The following OSBPL10 variants were observed in gnomAD, a reference collection of about 807,000 sequenced individuals.
OSBPL10 encodes oxysterol-binding protein-related protein 10.
A neutral mutation model predicts 81.7 loss-of-function variants in OSBPL10; 49 were observed. The ratio of observed to expected loss-of-function variants is 0.60; its 90% CI spans 0.48 to 0.76. The LOEUF is 0.76. Among genes scored for constraint, OSBPL10 ranks in the 30% least tolerant of loss-of-function variants. OSBPL10 has a pLI of 0.00. For synonymous variants in OSBPL10, 419 were observed against 383.6 expected, an observed-to-expected ratio of 1.09 and a Z score of -1.08; for missense variants, 923 against 987.8, an observed-to-expected ratio of 0.93 and a Z score of 0.88.
At chr3:31,749,083 G>C (rs949532189) in intron 4 of OSBPL10, among the ~76,000 whole-genome samples, 1 of 152,146 alleles carries the variant, frequency 6.6e-6, no homozygotes, top group African/African-American at 2.4e-5. Context: ...CCTGTTCTCT[G>C]GTCCGCTGTT....
At chr3:31,733,527 C>T in intron 5 of OSBPL10, 116 bp from the exon 6 acceptor site, 1 of 1,246,324 alleles carries the variant, frequency 8.0e-7, no homozygotes, top group East Asian at 2.3e-5. Flanking sequence ...TGAGGTAAAA[C>T]ACAGAGGGCT....
At chr3:31,759,316 T>C (rs979037135) in intron 4 of OSBPL10, among the ~76,000 whole-genome samples, 1 of 152,158 alleles carries the variant, frequency 6.6e-6, no homozygotes, top group Admixed American at 6.5e-5. Context: ...GGATCCTGAA[T>C]GCAGATCGAG....
upstream of OSBPL10, chr3:31,986,281 A>C (rs1559543023): frequency 6.6e-6 from 1 of 152,254 alleles, no homozygotes. Flanking sequence ...AGAAACTCAA[A>C]GAGGAGGAGT....
chr3:31,662,198 T>C, intron 11 of OSBPL10, 82 bp from the exon 12 acceptor site: 1 of 1,603,218 alleles, frequency 6.2e-7, no homozygotes, highest in East Asian at 2.2e-5. Flanking sequence ...GCAGCCACTC[T>C]GTGTGTCTGC....
rs141339242 is a variant in OSBPL10 at position 32,007,438 on chromosome 3, T to C, written n.298+39053A>G. ...GGAAGCCAGAAGTCTGAAATCAGTATCACTGGTCCAAAATCAAGGTGCCAG... is the reference window on the plus strand; with the variant it reads ...GGAAGCCAGAAGTCTGAAATCAGTACCACTGGTCCAAAATCAAGGTGCCAG... On this transcript the variant is annotated intron_variant and non_coding_transcript_variant, in intron 2 of 3. Transcript: ENST00000479173. 3.7e-3 allele frequency among the ~76,000 whole-genome samples: 559 copies of C among 152,278 alleles called. 1 individual carries two copies. The highest frequency in any genetic ancestry group is 0.013 in the African/African-American group (530 of 41,536).
At chr3:31,879,479 T>TGTCA (rs1701565052) in intron 2 of OSBPL10, 176 bp downstream of exon 2, 1 of 615,934 alleles carries the variant, frequency 1.6e-6, no homozygotes, top group Non-Finnish European at 2.8e-6. Context: ...TAATTCCTAA[T>TGTCA]GTCAGCTCCA....
Position 31,774,956 on chromosome 3 carries a change from C to T in OSBPL10, c.730-26836G>A, listed in dbSNP as rs926265250. On this transcript the variant is annotated intron_variant, in intron 4 of 11. Coordinates refer to ENST00000396556, the MANE Select transcript of OSBPL10 (RefSeq NM_017784.5). Reference sequence around the variant, plus strand: ...CTGAGGTGGGTGGATCACCTGAGGTCAGGAGTTCGAGACCAGCCTGGCCAA... The same window carrying T: ...CTGAGGTGGGTGGATCACCTGAGGTTAGGAGTTCGAGACCAGCCTGGCCAA... 3.3e-5 allele frequency among the ~76,000 whole-genome samples: 5 copies of T among 151,368 alleles called. No homozygotes were observed. The East Asian group carries it at 7.9e-4, about 24-fold the overall frequency.
intron 1 of OSBPL10, among the ~76,000 whole-genome samples, chr3:32,046,850 A>C (rs533478524): frequency 6.6e-6 from 1 of 152,336 alleles, no homozygotes; most frequent in South Asian, 2.1e-4. Context: ...GTTAAATTAA[A>C]ACAGACAACT....
intron 2 of OSBPL10, among the ~76,000 whole-genome samples, chr3:32,016,843 C>A (rs1699316983): frequency 6.6e-6 from 1 of 152,054 alleles, no homozygotes; most frequent in African/African-American, 2.4e-5. Flanking sequence ...GATCCTGGAC[C>A]AGGTACTTAA....
In OSBPL10 at chr3:31,769,459, C is replaced by CA. The variant is rs1278090768; in HGVS notation, c.730-21340dup. Among the ~76,000 whole-genome samples, 54 of 36,026 alleles carry CA rather than the reference C, an allele frequency of 1.5e-3. 8 individuals carry two copies. Among genetic ancestry groups the CA allele is most frequent in the African/African-American group, 3.4e-3 (41 of 11,944 alleles). The allele number at this position is 36,026 out of a possible 152,430, so 23.6% of individuals were successfully genotyped here. The stretch of plus-strand genomic sequence containing the variant: ...AAACTCCATCTCAAAAAAAAAAAAA[C>CA]AAAAAAAAAACAAAAAAAAACAGAA... On this transcript the variant is annotated intron_variant, in intron 4 of 11. Coordinates refer to ENST00000396556, the MANE Select transcript of OSBPL10 (RefSeq NM_017784.5).
intron 4 of OSBPL10, among the ~76,000 whole-genome samples, chr3:31,782,438 G>A (rs1698719917): frequency 6.6e-6 from 1 of 152,138 alleles, no homozygotes; most frequent in South Asian, 2.1e-4. Context: ...AAGATAAATA[G>A]ATGGAACCTA....
intron 4 of OSBPL10, among the ~76,000 whole-genome samples, chr3:31,777,205 C>A (rs1698570286): frequency 6.6e-6 from 1 of 152,206 alleles, no homozygotes; most frequent in African/African-American, 2.4e-5. Context: ...TGACATGCCC[C>A]TGGCTCATCT....
At chr3:31,671,545 A>G (rs7620341) in intron 8 of OSBPL10, among the ~76,000 whole-genome samples, 74,971 of 151,928 alleles carry the variant, frequency 0.49, 21,293 homozygotes, top group African/African-American at 0.78. Context: ...TTCTGCCTTT[A>G]TCCTGAGAGC....
At chr3:31,816,180 G>C (rs918376556) in intron 4 of OSBPL10, among the ~76,000 whole-genome samples, 1 of 152,198 alleles carries the variant, frequency 6.6e-6, no homozygotes, top group Admixed American at 6.5e-5. Flanking sequence ...AGCCCAGAGC[G>C]GGTAGGTCTA....
intron 4 of OSBPL10, among the ~76,000 whole-genome samples, chr3:31,751,786 C>T (rs1044135687): frequency 1.3e-5 from 2 of 152,176 alleles, no homozygotes; most frequent in East Asian, 3.8e-4. Flanking sequence ...AGATGTGAAA[C>T]AGAACTCTAG....
chr3:31,813,892 G>A (rs1043628814), intron 4 of OSBPL10, among the ~76,000 whole-genome samples: 3 of 152,194 alleles, frequency 2.0e-5, no homozygotes, highest in African/African-American at 4.8e-5. Flanking sequence ...TCTTAGGCAC[G>A]CATGTACATG....
At position 31,922,511 on chromosome 3, in the gene OSBPL10, G is replaced by A. The variant is rs539169437; in HGVS notation, c.282-42681C>T. ...AGCGTGCTTGTAATCCCAGTTACTC[G>A]AGAGACTGAGGCAAGAGAATCGCTT... On this transcript the variant is annotated intron_variant, in intron 1 of 11. Transcript: ENST00000396556. 9.9e-5 allele frequency among the ~76,000 whole-genome samples: 15 copies of A among 152,188 alleles called. No homozygotes were observed. The South Asian group carries it at 2.7e-3, about 27-fold the overall frequency.
rs576663845 is a variant in OSBPL10 at position 32,002,088 on chromosome 3, G to A, written n.298+44403C>T. ...AGTTTAAACTGCCCAGGTTGGCTAG[G>A]TCCTAGGTATACTTCCTGGCTCATA... On this transcript the variant is annotated intron_variant and non_coding_transcript_variant, in intron 2 of 3. Transcript: ENST00000479173. Among the ~76,000 whole-genome samples, 7 of 152,286 alleles carry A rather than the reference G, an allele frequency of 4.6e-5. No individual in the cohort carries two copies. In the East Asian group the frequency reaches 1.2e-3, roughly 25 times the overall value.
intron 1 of OSBPL10, among the ~76,000 whole-genome samples, chr3:32,059,754 TA>T (rs1699741335): frequency 6.8e-6 from 1 of 148,048 alleles, no homozygotes; most frequent in Non-Finnish European, 1.5e-5. Context: ...CCCATCTCTA[TA>T]AAAAAAATTA....
Sources: allele counts gnomAD v4.1 joint callset (sites outside exome capture counted in the v4.1 genomes callset), GRCh38; gene constraint gnomAD v4.1.1; transcripts MANE v1.5; gene names NCBI Gene and HGNC (gene_info 2026-07-23, HGNC 2026-07-21).